SYT1: variants seen among roughly 807,000 people sequenced by gnomAD.
SYT1 encodes synaptotagmin 1, also known as synaptotagmin-1.
Under a neutral mutation model 44.8 loss-of-function variants are expected in SYT1, and 8 were observed. The observed-to-expected ratio is 0.18, with a 90% confidence interval of 0.10 to 0.32. SYT1 has a LOEUF of 0.32. Ranked by LOEUF, SYT1 falls within the 10% of genes least tolerant of loss-of-function variation. SYT1 has a pLI of 1.00. For missense variants in SYT1, 286 were observed against 509.3 expected, an observed-to-expected ratio of 0.56 and a Z score of 4.22; for synonymous variants, 154 against 188.8, an observed-to-expected ratio of 0.82 and a Z score of 1.51.
chr12:79,203,096 T>A (rs12826208), intron 3 of SYT1, among the ~76,000 whole-genome samples: 111,125 of 150,438 alleles, frequency 0.74, 41,455 homozygotes, highest in African/African-American at 0.86. Context: ...GAAAAAAAAA[T>A]TTTTTTATTG....
intron 2 of SYT1, among the ~76,000 whole-genome samples, chr12:78,982,622 G>A (rs1181480790): frequency 1.3e-5 from 2 of 152,122 alleles, no homozygotes; most frequent in East Asian, 3.9e-4. Context: ...GCTTCTGAAA[G>A]CTACTATAAA....
chr12:78,867,205 T>C (rs1316801575), intron 1 of SYT1, among the ~76,000 whole-genome samples: 1 of 152,134 alleles, frequency 6.6e-6, no homozygotes, highest in Non-Finnish European at 1.5e-5. Flanking sequence ...TGAAAAGATG[T>C]ACAAAAAGGA....
chr12:79,401,003 C>CT (rs1885047913), intron 9 of SYT1, among the ~76,000 whole-genome samples: 1 of 152,172 alleles, frequency 6.6e-6, no homozygotes, highest in South Asian at 2.1e-4. Flanking sequence ...CTCTATTGAA[C>CT]AATATGATCT....
At chr12:79,310,741 A>T (rs1460219461) in intron 8 of SYT1, among the ~76,000 whole-genome samples, 2 of 152,166 alleles carry the variant, frequency 1.3e-5, no homozygotes, top group Non-Finnish European at 2.9e-5. Context: ...GTCCCTCGTA[A>T]GTTGGATTCC....
intron 8 of SYT1, among the ~76,000 whole-genome samples, chr12:79,349,060 G>A (rs563248737): frequency 0.019 from 2,412 of 128,618 alleles, 46 homozygotes; most frequent in African/African-American, 0.055. Flanking sequence ...AAAGAAAGGA[G>A]GGAGGGAGGG....
intron 1 of SYT1, among the ~76,000 whole-genome samples, chr12:78,974,377 CA>C: frequency 6.6e-6 from 1 of 151,824 alleles, no homozygotes; most frequent in East Asian, 1.9e-4. Flanking sequence ...ATTAAGAAAA[CA>C]GATCAATCTA....
chr12:78,963,315 G>C (rs1322295769), intron 1 of SYT1, among the ~76,000 whole-genome samples: 1 of 152,062 alleles, frequency 6.6e-6, no homozygotes, highest in Non-Finnish European at 1.5e-5. Flanking sequence ...AGCAAAAATA[G>C]CAAATGTGAC....
chr12:79,006,794 A>G (rs894647597), intron 2 of SYT1, among the ~76,000 whole-genome samples: 2 of 152,302 alleles, frequency 1.3e-5, no homozygotes, highest in African/African-American at 4.8e-5. Context: ...TTTCTCCACT[A>G]TCAGCCATGC....
intron 4 of SYT1, among the ~76,000 whole-genome samples, chr12:79,240,269 T>C (rs1197365254): frequency 6.6e-6 from 1 of 152,220 alleles, no homozygotes; most frequent in Non-Finnish European, 1.5e-5. Context: ...ATCTAAATAG[T>C]GTCAATTGGC....
At chr12:79,052,030 T>C (rs1319620419) in intron 3 of SYT1, among the ~76,000 whole-genome samples, 1 of 152,150 alleles carries the variant, frequency 6.6e-6, no homozygotes, top group Non-Finnish European at 1.5e-5. Context: ...TGGTTCCATA[T>C]GAACTTTAAA....
chr12:79,000,458 C>A (rs973505646), intron 2 of SYT1, among the ~76,000 whole-genome samples: 1 of 151,886 alleles, frequency 6.6e-6, no homozygotes, highest in African/African-American at 2.4e-5. Flanking sequence ...TGCCACCACA[C>A]CCAGATAATT....
At chr12:79,340,976 C>T (rs1003149385) in intron 8 of SYT1, among the ~76,000 whole-genome samples, 5 of 152,098 alleles carry the variant, frequency 3.3e-5, no homozygotes, top group Non-Finnish European at 7.4e-5. Flanking sequence ...ATAATGACAC[C>T]TACAATTTTA....
chr12:78,897,978 G>A (rs1030146648), intron 1 of SYT1, among the ~76,000 whole-genome samples: 1 of 151,916 alleles, frequency 6.6e-6, no homozygotes, highest in African/African-American at 2.4e-5. Flanking sequence ...CTCCTAAAGG[G>A]TGAAACATCT....
At chr12:79,135,640 T>C (rs1656957497) in intron 3 of SYT1, among the ~76,000 whole-genome samples, 1 of 152,182 alleles carries the variant, frequency 6.6e-6, no homozygotes, top group African/African-American at 2.4e-5. Flanking sequence ...ACTCCAGATT[T>C]ATTCTGTGAT....
chr12:79,265,393 C>T (rs2138746095), intron 4 of SYT1, among the ~76,000 whole-genome samples: 1 of 152,134 alleles, frequency 6.6e-6, no homozygotes, highest in Middle Eastern at 3.4e-3. Flanking sequence ...TGATTAATAG[C>T]AATTATGTTT....
intron 3 of SYT1, among the ~76,000 whole-genome samples, chr12:79,216,871 G>A (rs1363702378): frequency 2.0e-5 from 3 of 152,048 alleles, no homozygotes; most frequent in African/African-American, 4.8e-5. Flanking sequence ...TACCCAGCAA[G>A]ACAAGTAAAT....
intron 2 of SYT1, among the ~76,000 whole-genome samples, chr12:78,985,958 A>G (rs866852961): frequency 3.9e-5 from 6 of 152,038 alleles, no homozygotes; most frequent in African/African-American, 1.2e-4. Context: ...AAAAATAAAA[A>G]CAGAAGGAAA....
At chr12:79,249,779 A>G (rs1877087294) in intron 4 of SYT1, among the ~76,000 whole-genome samples, 1 of 152,164 alleles carries the variant, frequency 6.6e-6, no homozygotes, top group African/African-American at 2.4e-5. Flanking sequence ...GGAGAAATGG[A>G]ATTTAAAATT....
intron 5 of SYT1, 92 bp downstream of exon 5, chr12:79,286,063 C>T (rs1255494145): frequency 1.5e-6 from 2 of 1,368,974 alleles, no homozygotes; most frequent in African/African-American, 1.5e-5. Flanking sequence ...AAATAAACAA[C>T]TTCTGGACCC....
Sources: gnomAD v4.1 joint callset for allele counts (sites outside exome capture counted in the v4.1 genomes callset) on GRCh38, gnomAD v4.1.1 for gene constraint, MANE v1.5 for transcripts, NCBI Gene and HGNC (gene_info 2026-07-23, HGNC 2026-07-21) for gene names.